LPP: variants seen among roughly 807,000 people sequenced by gnomAD.
LPP encodes LIM domain containing preferred translocation partner in lipoma, also known as lipoma-preferred partner.
In LPP, 38 loss-of-function variants were observed where a neutral mutation model predicts 60.4. The ratio of observed to expected loss-of-function variants is 0.63; its 90% CI spans 0.49 to 0.83. The LOEUF (loss-of-function observed/expected upper bound fraction) is 0.83. LPP is among the 40% of genes least tolerant of loss of function. The probability of loss-of-function intolerance (pLI) is 0.00; values close to 1 mark genes in which losing one functional copy is unlikely to be tolerated. For synonymous variants in LPP, 328 were observed against 290.8 expected (o/e 1.13, Z -1.30); for missense variants, 902 against 783.6 (o/e 1.15, Z -1.80).
rs371983065 is a variant in LPP at position 188,777,291 on chromosome 3, G to GT, written c.1410+17024dup. ...ATCCATTTTCTAACTATGCATCTAG[G>GT]TTTTTTTTTTTTTTTACCTCTGCGT... On this transcript the variant is annotated intron_variant, in intron 9 of 11. Coordinates refer to ENST00000617246, the MANE Select transcript of LPP (RefSeq NM_001375462.1). Among the ~76,000 whole-genome samples the GT allele has an allele frequency of 9.1e-3, 1,281 of 140,742 alleles. 10 individuals carry two copies. The highest frequency in any genetic ancestry group is 0.023 in the African/African-American group (883 of 38,628). The allele number at this position is 140,742 out of a possible 152,430, so 92.3% of individuals were successfully genotyped here.
At chr3:188,300,086 A>G (rs1014078278) in intron 2 of LPP, among the ~76,000 whole-genome samples, 1 of 152,214 alleles carries the variant, frequency 6.6e-6, no homozygotes, top group African/African-American at 2.4e-5. Context: ...TAAATGCACA[A>G]AAGTATGATG....
intron 6 of LPP, among the ~76,000 whole-genome samples, chr3:188,542,736 G>A (rs1051964884): frequency 2.7e-5 from 3 of 112,764 alleles, no homozygotes; most frequent in Non-Finnish European, 5.7e-5. Flanking sequence ...TGTTTTTGAC[G>A]TTTGACTTGG....
intron 9 of LPP, among the ~76,000 whole-genome samples, chr3:188,809,694 A>G (rs772242818): frequency 1.3e-5 from 2 of 152,136 alleles, no homozygotes; most frequent in Non-Finnish European, 2.9e-5. Context: ...ATTAGATCTC[A>G]TTTGTCAATG....
chr3:188,360,631 A>G (rs1769013619), intron 3 of LPP, among the ~76,000 whole-genome samples: 1 of 152,170 alleles, frequency 6.6e-6, no homozygotes, highest in East Asian at 1.9e-4. Context: ...TGCTGGGATT[A>G]CAGTCATGAG....
At chr3:188,278,319 A>G (rs1217220574) in intron 2 of LPP, among the ~76,000 whole-genome samples, 1 of 152,134 alleles carries the variant, frequency 6.6e-6, no homozygotes, top group Non-Finnish European at 1.5e-5. Context: ...CTCACCCCTG[A>G]TATTCGTCCC....
At position 188,889,776 on chromosome 3, in the gene LPP, A is replaced by G. The variant is rs1317051179; in HGVS notation, c.*15297A>G. ...TGACCACCCTGCTCTAGTCATCATC[A>G]TTGGATGAATCCAGTTGACTCTTTG... On this transcript the variant is annotated 3_prime_UTR_variant, in exon 12 of 12. Coordinates refer to ENST00000617246, the MANE Select transcript of LPP (RefSeq NM_001375462.1). 1.4e-5 allele frequency: 3 copies of G among 217,356 alleles called. No homozygotes were observed. The highest frequency in any genetic ancestry group is 6.8e-5 in the East Asian group (1 of 14,756). The allele number at this position is 217,356 out of a possible 1,614,324, so 13.5% of individuals were successfully genotyped here.
intron 8 of LPP, among the ~76,000 whole-genome samples, chr3:188,741,895 G>T (rs1724572951): frequency 6.6e-6 from 1 of 151,918 alleles, no homozygotes; most frequent in South Asian, 2.1e-4. Flanking sequence ...ATGTGTATAT[G>T]ACAAAGATTT....
At chr3:188,250,071 C>A (rs888297089) in intron 2 of LPP, among the ~76,000 whole-genome samples, 17 of 152,122 alleles carry the variant, frequency 1.1e-4, no homozygotes, top group African/African-American at 3.9e-4. Context: ...CTTCAGTCTA[C>A]TGTCTGTACT....
intron 2 of LPP, among the ~76,000 whole-genome samples, chr3:188,304,850 C>A (rs1433982551): frequency 1.3e-5 from 2 of 152,176 alleles, no homozygotes; most frequent in African/African-American, 4.8e-5. Context: ...CCTATTATGG[C>A]TGAGACCTTT....
chr3:188,879,262 T>A lies in LPP; in HGVS notation c.*4783T>A. ...TTCCTCTCTTGCTTTCTTCCTCCCT[T>A]CCTTTCTTCCTCTTCCTTCCTCCTC... On this transcript the variant is annotated 3_prime_UTR_variant, in exon 12 of 12. Transcript: ENST00000617246. 1 of 230,258 alleles carries A rather than the reference T, an allele frequency of 4.3e-6. No homozygotes were observed. Among genetic ancestry groups the A allele is most frequent in the Non-Finnish European group, 8.6e-6 (1 of 116,182 alleles). 14.3% of individuals were successfully genotyped at this position (230,258 alleles called of 1,614,324 possible).
At chr3:188,519,859 G>A (rs939691358) in intron 5 of LPP, among the ~76,000 whole-genome samples, 5 of 152,198 alleles carry the variant, frequency 3.3e-5, no homozygotes, top group Non-Finnish European at 7.3e-5. Flanking sequence ...GAATGAAAAA[G>A]TAAATAAATA....
intron 4 of LPP, among the ~76,000 whole-genome samples, chr3:188,474,297 G>A (rs889192097): frequency 6.7e-6 from 1 of 150,016 alleles, no homozygotes; most frequent in Non-Finnish European, 1.5e-5. Context: ...GAAACCAATA[G>A]TTATCCAATT....
At chr3:188,268,572 C>G (rs1197745843) in intron 2 of LPP, among the ~76,000 whole-genome samples, 2 of 152,222 alleles carry the variant, frequency 1.3e-5, no homozygotes, top group Non-Finnish European at 2.9e-5. Context: ...TTGGCTGAAA[C>G]TCTGTGAATG....
chr3:188,411,703 AAAC>A lies in LPP; in HGVS notation c.193+5397_193+5399del, dbSNP rs1784916730. ...AAATCAAAAAATAAAAAGATACAAC[AAAC>A]AACAACCACCCCACCCCCAAAAATA... On this transcript the variant is annotated intron_variant, in intron 4 of 11. Transcript: ENST00000617246. Among the ~76,000 whole-genome samples the A allele has an allele frequency of 2.6e-5, 4 of 152,266 alleles. No homozygotes were observed. The South Asian group carries it at 8.3e-4, about 32-fold the overall frequency.
chr3:188,881,671 AC>A lies in LPP; in HGVS notation c.*7193del, dbSNP rs547145119. 1.3e-4 allele frequency: 29 copies of A among 225,478 alleles called. 1 individual carries two copies. The South Asian group carries it at 5.3e-3, about 41-fold the overall frequency. The allele number at this position is 225,478 out of a possible 1,614,324, so 14.0% of individuals were successfully genotyped here. A position where few individuals can be genotyped will look rare whatever the true frequency, so the allele number is the denominator to read the frequency against. Reference sequence around the variant, plus strand: ...TGCCAAAATCAAATTCATCCTGAAAACAGGAAGCAAGCTAATGCATATGCCA... The same window carrying A: ...TGCCAAAATCAAATTCATCCTGAAAAAGGAAGCAAGCTAATGCATATGCCA... On this transcript the variant is annotated 3_prime_UTR_variant, in exon 12 of 12. Coordinates refer to ENST00000617246, the MANE Select transcript of LPP (RefSeq NM_001375462.1).
In LPP at chr3:188,874,495, C is replaced by T. The variant is rs553660163; in HGVS notation, c.*16C>T. 6.2e-7 allele frequency: 1 copy of T among 1,612,090 alleles called. No homozygotes were observed. The highest frequency in any genetic ancestry group is 1.7e-5 in the Admixed American group (1 of 59,908). ...TGACCTTTAGATTCAGTCACCTGTT[C>T]AGCCGGCACTGAGAAGAACGAACAC... On this transcript the variant is annotated 3_prime_UTR_variant, in exon 12 of 12. Transcript: ENST00000617246.
chr3:188,795,011 T>C (rs1367637139), intron 9 of LPP, among the ~76,000 whole-genome samples: 1 of 152,162 alleles, frequency 6.6e-6, no homozygotes, highest in Non-Finnish European at 1.5e-5. Context: ...GGTGTGTGCC[T>C]GTAGTCCCAG....
At chr3:188,536,270 A>G (rs1457933396) in intron 6 of LPP, among the ~76,000 whole-genome samples, 4 of 152,094 alleles carry the variant, frequency 2.6e-5, no homozygotes, top group Non-Finnish European at 5.9e-5. Flanking sequence ...CGGCCTCCCA[A>G]AGTGCTGGGA....
chr3:188,212,335 C>T lies in LPP; in HGVS notation c.-189-13070C>T, dbSNP rs574008194. Among the ~76,000 whole-genome samples the T allele has an allele frequency of 3.3e-5, 5 of 152,304 alleles. 1 individual carries two copies. In the South Asian group the frequency reaches 8.3e-4, roughly 25 times the overall value. On this transcript the variant is annotated intron_variant, in intron 1 of 11. Coordinates refer to ENST00000617246, the MANE Select transcript of LPP (RefSeq NM_001375462.1). Reference sequence around the variant, plus strand: ...TAAGATGAGCTTAAAGCCTTTCAGACCAGTCACTTCCTTGTTTGGGGTGGA... The same window carrying T: ...TAAGATGAGCTTAAAGCCTTTCAGATCAGTCACTTCCTTGTTTGGGGTGGA...
Sources: gnomAD v4.1 joint callset for allele counts (sites outside exome capture counted in the v4.1 genomes callset) on GRCh38, gnomAD v4.1.1 for gene constraint, MANE v1.5 for transcripts, NCBI Gene and HGNC (gene_info 2026-07-23, HGNC 2026-07-21) for gene names.